CEMIP: variants seen among roughly 807,000 people sequenced by gnomAD.
The protein encoded by CEMIP is cell migration-inducing and hyaluronan-binding protein.
In CEMIP, 105 loss-of-function variants were observed where a neutral mutation model predicts 156.9. The ratio of observed to expected loss-of-function variants is 0.67; its 90% CI spans 0.57 to 0.79. CEMIP has a LOEUF of 0.79. CEMIP is among the 30% of genes least tolerant of loss of function. The pLI is 0.00. For synonymous variants in CEMIP, 676 were observed against 668.4 expected, an observed-to-expected ratio of 1.01 and a Z score of -0.17; for missense variants, 1,457 against 1,769.4, an observed-to-expected ratio of 0.82 and a Z score of 3.17.
Position 80,931,967 on chromosome 15 carries a change from C to T in CEMIP, c.2721C>T (p.Ala907=). 1 of 1,614,250 alleles carries T rather than the reference C, an allele frequency of 6.2e-7. No individual in the cohort carries two copies. The highest frequency in any genetic ancestry group is 8.5e-7 in the Non-Finnish European group (1 of 1,180,042). The change falls in exon 22 of 30, where the codon GCC becomes GCT. Residue 907 remains alanine (A), a synonymous_variant. Coordinates refer to ENST00000394685, the MANE Select transcript of CEMIP (RefSeq NM_001293298.2). ...AGGGCCGGCACACCAGCGCCCTGGC[C>T]TTCCGCCTGAATAATGCCTGGCAGA... The part of the protein sequence containing the change: ...ALEGRHTSAL[A]FRLNNAWQSC...
chr15:80,878,613 G>T, intron 3 of CEMIP, 108 bp from the exon 4 acceptor site: 1 of 1,430,618 alleles, frequency 7.0e-7, no homozygotes, highest in Non-Finnish European at 9.7e-7. Context: ...CTCTAACAGA[G>T]AGGAGGTAGG....
chr15:80,863,313 C>T (rs975963210), intron 1 of CEMIP, among the ~76,000 whole-genome samples: 2 of 152,146 alleles, frequency 1.3e-5, no homozygotes, highest in South Asian at 2.1e-4. Context: ...GTTGCAGAGC[C>T]GGCAAATAGC....
chr15:80,927,048 C>T (rs370891557), intron 19 of CEMIP, among the ~76,000 whole-genome samples: 209 of 152,320 alleles, frequency 1.4e-3, no homozygotes, highest in Non-Finnish European at 2.5e-3. Flanking sequence ...CCAGGCTGGT[C>T]GCAAGCTCCT....
chr15:80,879,956 G>A, intron 5 of CEMIP, 102 bp downstream of exon 5: 1 of 1,328,704 alleles, frequency 7.5e-7, no homozygotes, highest in Non-Finnish European at 1.1e-6. Flanking sequence ...TTGCCTGTAA[G>A]ATAGGAATCA....
intron 1 of CEMIP, among the ~76,000 whole-genome samples, chr15:80,813,303 T>G (rs935096302): frequency 1.3e-5 from 2 of 151,934 alleles, no homozygotes; most frequent in Non-Finnish European, 2.9e-5. Flanking sequence ...AAGTGTTAGC[T>G]GCCATCCTCC....
At position 80,810,234 on chromosome 15, in the gene CEMIP, A is replaced by C. The variant is rs566062914; in HGVS notation, c.-176+30620A>C. Reference sequence around the variant, plus strand: ...CATAAGATTTCATAAAGTCTTATGAAGCAGAAAAAGTCTTACAAATATAGC... The same window carrying C: ...CATAAGATTTCATAAAGTCTTATGACGCAGAAAAAGTCTTACAAATATAGC... On this transcript the variant is annotated intron_variant, in intron 1 of 29. Transcript: ENST00000394685. Among the ~76,000 whole-genome samples the C allele has an allele frequency of 2.0e-5, 3 of 152,354 alleles. No individual in the cohort carries two copies. In the South Asian group the frequency reaches 6.2e-4, roughly 32 times the overall value.
intron 1 of CEMIP, among the ~76,000 whole-genome samples, chr15:80,843,404 C>T (rs550585692): frequency 1.3e-4 from 20 of 152,326 alleles, no homozygotes; most frequent in Non-Finnish European, 2.5e-4. Context: ...CCTGCCTTCA[C>T]GCAGCTCCTG....
At chr15:80,831,276 G>A (rs904749532) in intron 1 of CEMIP, among the ~76,000 whole-genome samples, 1 of 152,168 alleles carries the variant, frequency 6.6e-6, no homozygotes, top group Non-Finnish European at 1.5e-5. Flanking sequence ...GCTCTGGAAG[G>A]TATCGTGGGA....
At chr15:80,942,385 T>C in intron 27 of CEMIP, 48 bp downstream of exon 27, 1 of 1,481,096 alleles carries the variant, frequency 6.8e-7, no homozygotes, top group Non-Finnish European at 9.4e-7. Flanking sequence ...CATTGAGAGG[T>C]GATACTGTGT....
chr15:80,781,429 T>C (rs1014161087), intron 1 of CEMIP, among the ~76,000 whole-genome samples: 2 of 152,186 alleles, frequency 1.3e-5, no homozygotes, highest in Non-Finnish European at 2.9e-5. Flanking sequence ...ACTTTTCAAG[T>C]TGGTCACTTG....
intron 9 of CEMIP, 81 bp from the exon 10 acceptor site, chr15:80,889,387 TGAG>T (rs2141845472): frequency 3.8e-6 from 6 of 1,590,252 alleles, no homozygotes; most frequent in Middle Eastern, 3.3e-4. Context: ...CCCATGGTGC[TGAG>T]GATGCTTGGA....
At chr15:80,873,505 G>A in intron 1 of CEMIP, 33 bp from the exon 2 acceptor site, 1 of 302,288 alleles carries the variant, frequency 3.3e-6, no homozygotes, top group Non-Finnish European at 6.5e-6. Flanking sequence ...TTCAGTGGGA[G>A]TATTTTTGTT....
rs760689142 is a variant in CEMIP, at chr15:80,887,724, A to C, written c.828A>C (p.Gly276=). ...RHPWSFLTVK[G]NPSSSVEDHI... ...CTTGGAGTTTTCTAACTGTGAAAGGAAATCCATCATCTTCAGTGGAAGACC... is the reference window on the plus strand; with the variant it reads ...CTTGGAGTTTTCTAACTGTGAAAGGCAATCCATCATCTTCAGTGGAAGACC... The change falls in exon 8 of 30, where the codon GGA becomes GGC. Residue 276 remains glycine (G), a synonymous_variant. Coordinates refer to ENST00000394685, the MANE Select transcript of CEMIP (RefSeq NM_001293298.2). 103 of 1,613,312 alleles carry C rather than the reference A, an allele frequency of 6.4e-5. No homozygotes were observed. Among genetic ancestry groups the C allele is most frequent in the Non-Finnish European group, 8.5e-5 (100 of 1,179,916 alleles).
At chr15:80,942,417 T>TA (rs1426473553) in intron 27 of CEMIP, 80 bp downstream of exon 27, 2 of 1,216,902 alleles carry the variant, frequency 1.6e-6, no homozygotes, top group Non-Finnish European at 2.4e-6. Flanking sequence ...TGGCACAAAT[T>TA]ACTGCAAACT....
chr15:80,915,631 G>T (rs1029206860), intron 14 of CEMIP, among the ~76,000 whole-genome samples: 1 of 152,008 alleles, frequency 6.6e-6, no homozygotes, highest in African/African-American at 2.4e-5. Context: ...GGAGTAACAG[G>T]TCCCTCTATA....
At chr15:80,804,657 G>A (rs1303646190) in intron 1 of CEMIP, among the ~76,000 whole-genome samples, 7 of 152,308 alleles carry the variant, frequency 4.6e-5, no homozygotes, top group East Asian at 1.9e-4. Context: ...CTGAAAGCAC[G>A]TGCGTCTTTC....
chr15:80,947,365 T>C, intron 29 of CEMIP: 1 of 392,238 alleles, frequency 2.5e-6, no homozygotes, highest in South Asian at 2.5e-5. Flanking sequence ...AAAAGTATCA[T>C]AAGAAAAGTG....
intron 1 of CEMIP, among the ~76,000 whole-genome samples, chr15:80,797,367 T>C (rs1896256323): frequency 6.6e-6 from 1 of 152,136 alleles, no homozygotes; most frequent in Non-Finnish European, 1.5e-5. Context: ...TGAGCAGTGC[T>C]GGCGTGTGGA....
At chr15:80,833,631 T>A (rs1897204745) in intron 1 of CEMIP, among the ~76,000 whole-genome samples, 1 of 151,616 alleles carries the variant, frequency 6.6e-6, no homozygotes, top group Non-Finnish European at 1.5e-5. Flanking sequence ...CTCCTCATCA[T>A]CATCATTTGT....
Sources: gnomAD v4.1 joint callset for allele counts (sites outside exome capture counted in the v4.1 genomes callset) on GRCh38, gnomAD v4.1.1 for gene constraint, MANE v1.5 for transcripts, NCBI Gene and HGNC (gene_info 2026-07-23, HGNC 2026-07-21) for gene names.